The following IBA57 variants were observed in gnomAD, a reference collection of about 807,000 sequenced individuals.
IBA57 encodes the protein iron-sulfur cluster assembly factor IBA57, mitochondrial.
In IBA57, 20 loss-of-function variants were observed where a neutral mutation model predicts 20.4. The ratio of observed to expected loss-of-function variants is 0.98; its 90% CI spans 0.69 to 1.42. IBA57 has a LOEUF of 1.42. IBA57 is among the 40% of genes most tolerant of loss of function. The pLI, the probability that IBA57 is intolerant of heterozygous loss-of-function variation, is 0.00. For missense variants in IBA57, 608 were observed against 499.3 expected, an observed-to-expected ratio of 1.22 and a Z score of -2.07; for synonymous variants, 310 against 233.9, an observed-to-expected ratio of 1.33 and a Z score of -2.97.
intron 1 of IBA57, among the ~76,000 whole-genome samples, chr1:228,174,097 G>T (rs1375506968): frequency 6.6e-6 from 1 of 152,150 alleles, no homozygotes; most frequent in Non-Finnish European, 1.5e-5. Context: ...GCCTTGGGAG[G>T]TGCTGCCTGG....
rs2124976694 is a variant in IBA57, at chr1:228,174,838, T to C, written c.488T>C (p.Leu163Ser). The C allele has an allele frequency of 1.2e-6, 2 of 1,610,528 alleles. No individual in the cohort carries two copies. The highest frequency in any genetic ancestry group is 1.7e-6 in the Non-Finnish European group (2 of 1,179,266). Residue 163 changes from leucine (L) to serine (S), a missense_variant, in exon 2 of 3, where the codon TTG (leucine) becomes TCG (serine). Coordinates refer to ENST00000366711, the MANE Select transcript of IBA57 (RefSeq NM_001010867.4). ...PHPELRVWAV[L>S]PSSPEACGAA... ...CCGGAGCTGCGAGTGTGGGCGGTGT[T>C]GCCCAGTTCCCCTGAGGCCTGCGGG... is the stretch of plus-strand genomic sequence containing the variant.
At chr1:228,175,099 T>A (rs1558126327) in intron 2 of IBA57, 23 bp from the exon 3 acceptor site, 1 of 1,601,756 alleles carries the variant, frequency 6.2e-7, no homozygotes, top group Middle Eastern at 1.7e-4. Flanking sequence ...TTCTCGCTGG[T>A]TTCCCCCCTC....
At chr1:228,166,904 G>C (rs2124972384) in intron 1 of IBA57, among the ~76,000 whole-genome samples, 2 of 152,282 alleles carry the variant, frequency 1.3e-5, no homozygotes, top group South Asian at 4.1e-4. Flanking sequence ...TTACTCCTGT[G>C]TTTTGGTTTC....
chr1:228,167,224 T>C (rs1294979745), intron 1 of IBA57, among the ~76,000 whole-genome samples: 2 of 152,196 alleles, frequency 1.3e-5, no homozygotes, highest in Non-Finnish European at 2.9e-5. Context: ...TCTGGGCACT[T>C]AGTGGGCTCT....
At position 228,175,643 on chromosome 1, in the gene IBA57, A is replaced by G; in HGVS notation, c.*130A>G. 7.9e-7 allele frequency: 1 copy of G among 1,263,474 alleles called. No homozygotes were observed. The highest frequency in any genetic ancestry group is 1.1e-6 in the Non-Finnish European group (1 of 950,092). The allele number at this position is 1,263,474 out of a possible 1,614,324, so 78.3% of individuals were successfully genotyped here. A position where few individuals can be genotyped will look rare whatever the true frequency, so the allele number is the denominator to read the frequency against. On this transcript the variant is annotated 3_prime_UTR_variant, in exon 3 of 3. Coordinates refer to ENST00000366711, the MANE Select transcript of IBA57 (RefSeq NM_001010867.4). Reference sequence around the variant, plus strand: ...GGGAGCCCTGGTTTCCATCTGGGAAAGTCCCCCTTGTAGGTGCCCTGCCTG... The same window carrying G: ...GGGAGCCCTGGTTTCCATCTGGGAAGGTCCCCCTTGTAGGTGCCCTGCCTG...
At position 228,174,753 on chromosome 1, in the gene IBA57, G is replaced by T; in HGVS notation, c.403G>T (p.Ala135Ser). ...LLECDSSVQG[A>S]LQKHLALYRI... Reference sequence around the variant, plus strand: ...GGAGTGTGACAGCTCGGTGCAGGGCGCGCTGCAGAAGCACCTCGCGCTATA... The same window carrying T: ...GGAGTGTGACAGCTCGGTGCAGGGCTCGCTGCAGAAGCACCTCGCGCTATA... The change falls in exon 2 of 3, where the codon GCG becomes TCG. Residue 135 changes from alanine to serine, a missense_variant. Ala to Ser is a moderately conservative substitution (Grantham distance 99, BLOSUM62 1). Coordinates refer to ENST00000366711, the MANE Select transcript of IBA57 (RefSeq NM_001010867.4). The T allele has an allele frequency of 1.9e-6, 3 of 1,607,404 alleles. No individual in the cohort carries two copies. The highest frequency in any genetic ancestry group is 2.5e-6 in the Non-Finnish European group (3 of 1,178,812).
Position 228,165,868 on chromosome 1 carries a change from G to A in IBA57, c.52G>A (p.Val18Ile), listed in dbSNP as rs777328088. 46 of 1,324,896 alleles carry A rather than the reference G, an allele frequency of 3.5e-5. No homozygotes were observed. Among genetic ancestry groups the A allele is most frequent in the Non-Finnish European group, 4.1e-5 (43 of 1,044,262 alleles). 82.1% of individuals were successfully genotyped at this position (1,324,896 alleles called of 1,614,324 possible). The change falls in exon 1 of 3, where the codon GTC becomes ATC. Residue 18 changes from valine to isoleucine, a missense_variant. By Grantham distance (29) the Val-to-Ile change is conservative. Coordinates refer to ENST00000366711, the MANE Select transcript of IBA57 (RefSeq NM_001010867.4). ...RGATPGRGGP[V>I]WRWRLRAAPR... is the part of the protein sequence containing the mutation. Reference sequence around the variant, plus strand: ...CGCCACTCCGGGGCGCGGCGGCCCGGTCTGGCGCTGGCGGCTGCGCGCGGC... The same window carrying A: ...CGCCACTCCGGGGCGCGGCGGCCCGATCTGGCGCTGGCGGCTGCGCGCGGC...
At position 228,174,734 on chromosome 1, in the gene IBA57, T is replaced by TG; in HGVS notation, c.385dup (p.Asp129GlyfsTer40). The TG allele has an allele frequency of 6.3e-7, 1 of 1,597,862 alleles. No homozygotes were observed. The highest frequency in any genetic ancestry group is 8.5e-7 in the Non-Finnish European group (1 of 1,174,000). The stretch of plus-strand genomic sequence containing the variant: ...AGGTGTCTGGCTTCCTTCTGGAGTG[T>TG]GACAGCTCGGTGCAGGGCGCGCTGC... On this transcript the variant is annotated frameshift_variant, in exon 2 of 3. Transcript: ENST00000366711. LOFTEE classifies it high-confidence loss of function.
At chr1:228,173,304 C>T (rs2034950912) in intron 1 of IBA57, 1 of 151,894 alleles carries the variant, frequency 6.6e-6, no homozygotes. Flanking sequence ...ACCTCCCTGT[C>T]TCAGCTCCCA....
chr1:228,165,986 C>G lies in IBA57; in HGVS notation c.170C>G (p.Thr57Ser). 6.6e-7 allele frequency: 1 copy of G among 1,524,314 alleles called. No individual in the cohort carries two copies. The highest frequency in any genetic ancestry group is 8.7e-7 in the Non-Finnish European group (1 of 1,143,354). 94.4% of individuals were successfully genotyped at this position (1,524,314 alleles called of 1,614,324 possible). A position where few individuals can be genotyped will look rare whatever the true frequency, so the allele number is the denominator to read the frequency against. ...AWACFRLDGR[T>S]LLRVRGPDAA... ...GCCTGCTTCCGGCTGGACGGGCGCA[C>G]CCTGCTGCGCGTGCGTGGCCCCGAC... Residue 57 changes from threonine (T) to serine (S), a missense_variant, in exon 1 of 3, where the codon ACC becomes AGC. Coordinates refer to ENST00000366711, the MANE Select transcript of IBA57 (RefSeq NM_001010867.4).
chr1:228,174,210 T>TGC (rs1558125756), intron 1 of IBA57, among the ~76,000 whole-genome samples: 24 of 12,474 alleles, frequency 1.9e-3, no homozygotes, highest in Non-Finnish European at 3.1e-3. Context: ...CGTGGCTCGC[T>TGC]GTGGGCGTGG....
At chr1:228,169,793 T>C (rs2034899161) in intron 1 of IBA57, among the ~76,000 whole-genome samples, 2 of 152,240 alleles carry the variant, frequency 1.3e-5, no homozygotes, top group Admixed American at 6.5e-5. Context: ...CATGCATCTG[T>C]AGCCTCTTCA....
Position 228,175,102 on chromosome 1 carries a change from C to G in IBA57, c.680-20C>G. 3 of 1,602,574 alleles carry G rather than the reference C, an allele frequency of 1.9e-6. No homozygotes were observed. Among genetic ancestry groups the G allele is most frequent in the Non-Finnish European group, 2.6e-6 (3 of 1,173,692 alleles). ...GACGATGTTCAATTCTCGCTGGTTTCCCCCCTCCAATCCCTGCAGGCGTTC... is the reference window on the plus strand; with the variant it reads ...GACGATGTTCAATTCTCGCTGGTTTGCCCCCTCCAATCCCTGCAGGCGTTC... On this transcript the variant is annotated intron_variant, in intron 2 of 2. Transcript: ENST00000366711.
rs1362278021 is a variant in IBA57, at chr1:228,178,665, A to T, written c.*3152A>T. On this transcript the variant is annotated 3_prime_UTR_variant, in exon 3 of 3. Transcript: ENST00000366711. ...GCAGACAGTGTAGAAACTGTGAGAA[A>T]CCCACCTCCAAATCAGGCCTTAGAT... 2 of 152,176 alleles carry T rather than the reference A, an allele frequency of 1.3e-5. No homozygotes were observed. The highest frequency in any genetic ancestry group is 2.9e-5 in the Non-Finnish European group (2 of 68,040). 9.4% of individuals were successfully genotyped at this position (152,176 alleles called of 1,614,324 possible). A position where few individuals can be genotyped will look rare whatever the true frequency, so the allele number is the denominator to read the frequency against.
intron 1 of IBA57, among the ~76,000 whole-genome samples, chr1:228,167,439 C>A (rs1004767541): frequency 6.6e-6 from 1 of 151,346 alleles, no homozygotes; most frequent in African/African-American, 2.4e-5. Context: ...TCATTGCAAC[C>A]TCTGCCTCCA....
rs2035089280 is a variant in IBA57 at position 228,180,296 on chromosome 1, G to A, written c.*4783G>A. 1 of 152,202 alleles carries A rather than the reference G, an allele frequency of 6.6e-6. No homozygotes were observed. The highest frequency in any genetic ancestry group is 1.5e-5 in the Non-Finnish European group (1 of 68,044). 9.4% of individuals were successfully genotyped at this position (152,202 alleles called of 1,614,324 possible). Reference sequence around the variant, plus strand: ...GGGCTTCTGGCGAGGGATCCTGTGGGGAAGCTGGAGATGGAAGAAGGAGTG... The same window carrying A: ...GGGCTTCTGGCGAGGGATCCTGTGGAGAAGCTGGAGATGGAAGAAGGAGTG... On this transcript the variant is annotated 3_prime_UTR_variant, in exon 3 of 3. Transcript: ENST00000366711.
rs2034913632 is a variant in IBA57 at position 228,170,822 on chromosome 1, TGGCCTGG to T, written c.342-3867_342-3861del. On this transcript the variant is annotated intron_variant, in intron 1 of 2. Transcript: ENST00000366711. This position sits in a 1 kb window ranked among gnomAD's most constrained non-coding sequence, Gnocchi z 4.8. ...CAGGAGAGACTTGTCAGGCCTCTGG[TGGCCTGG>T]GGAGGAGGGAGGAGAGAGAAGGGAA... 6.6e-6 allele frequency among the ~76,000 whole-genome samples: 1 copy of T among 152,088 alleles called. No homozygotes were observed. Among genetic ancestry groups the T allele is most frequent in the Non-Finnish European group, 1.5e-5 (1 of 68,010 alleles).
rs2034901466 is a variant in IBA57, at chr1:228,170,056, A to G, written c.341+3899A>G. On this transcript the variant is annotated intron_variant, in intron 1 of 2. Transcript: ENST00000366711. This position sits in a 1 kb window ranked among gnomAD's most constrained non-coding sequence, Gnocchi z 4.8. ...TAATTTTTGTATCTTTTTTTAGTAG[A>G]GACGGGGTTTCACCATGTTGGTCAG... 6.6e-6 allele frequency among the ~76,000 whole-genome samples: 1 copy of G among 152,092 alleles called. No individual in the cohort carries two copies. Among genetic ancestry groups the G allele is most frequent in the South Asian group, 2.1e-4 (1 of 4,822 alleles).
Position 228,166,091 on chromosome 1 carries a change from C to G in IBA57, c.275C>G (p.Ala92Gly). ...GCGGCCGCGGGGGCCCCGCCTGCTGCGCGCGCGGGCTACGCCCACTTCCTG... is the reference window on the plus strand; with the variant it reads ...GCGGCCGCGGGGGCCCCGCCTGCTGGGCGCGCGGGCTACGCCCACTTCCTG... ...SPAAAGAPPA[A>G]RAGYAHFLNV... The change falls in exon 1 of 3, where the codon GCG becomes GGG. Residue 92 changes from alanine to glycine, a missense_variant. Physicochemically the swap from Ala to Gly is moderately conservative, Grantham distance 60. Coordinates refer to ENST00000366711, the MANE Select transcript of IBA57 (RefSeq NM_001010867.4). 2.6e-6 allele frequency: 4 copies of G among 1,536,118 alleles called. No homozygotes were observed. The highest frequency in any genetic ancestry group is 3.5e-6 in the Non-Finnish European group (4 of 1,143,548).
Sources: gnomAD v4.1 joint callset for allele counts (sites outside exome capture counted in the v4.1 genomes callset) on GRCh38, gnomAD v4.1.1 for gene constraint, Gnocchi (gnomAD v3.1) non-coding constraint, MANE v1.5 for transcripts, NCBI Gene and HGNC (gene_info 2026-07-23, HGNC 2026-07-21) for gene names.